The following TOP2B variants were observed in gnomAD, a reference collection of about 807,000 sequenced individuals.
The protein encoded by TOP2B is DNA topoisomerase II beta.
A neutral mutation model predicts 193.5 loss-of-function variants in TOP2B; 51 were observed. The ratio of observed to expected loss-of-function variants is 0.26; its 90% CI spans 0.21 to 0.33. The LOEUF (loss-of-function observed/expected upper bound fraction) is 0.33, where lower values mean the gene tolerates loss of function less well. Among genes scored for constraint, TOP2B ranks in the 10% least tolerant of loss-of-function variants. The pLI is 1.00. For missense variants in TOP2B, 1,378 were observed against 1,909.3 expected, an observed-to-expected ratio of 0.72 and a Z score of 5.19; for synonymous variants, 634 against 635.7, an observed-to-expected ratio of 1.00 and a Z score of 0.04.
At chr3:25,599,771 AT>A (rs1174357050) in intron 34 of TOP2B, among the ~76,000 whole-genome samples, 1 of 152,254 alleles carries the variant, frequency 6.6e-6, no homozygotes, top group Non-Finnish European at 1.5e-5. Context: ...ACAAATTTTA[AT>A]GATGAATCCC....
In TOP2B at chr3:25,612,734, G is replaced by T. The variant is rs372746931; in HGVS notation, c.3592-25C>A. On this transcript the variant is annotated intron_variant, in intron 27 of 35. Transcript: ENST00000264331. ...TCTAAAGTATAATCATAAGGCAGAA[G>T]GAACATAAACAACTTCTTAGAAAAG... 7 of 1,579,880 alleles carry T rather than the reference G, an allele frequency of 4.4e-6. No homozygotes were observed. The African/African-American group carries it at 5.4e-5, about 12-fold the overall frequency.
In TOP2B at chr3:25,630,114, A is replaced by G; in HGVS notation, c.1604T>C (p.Val535Ala). Reference protein sequence around the residue: ...NAEINNIIKIVGLQYKKSYDD... With the variant: ...NAEINNIIKIAGLQYKKSYDD... ...GTAACTTTTCTTATATTGTAGACCAACTATTTTAATAATATTATTTATTTC... is the reference window on the plus strand; with the variant it reads ...GTAACTTTTCTTATATTGTAGACCAGCTATTTTAATAATATTATTTATTTC... The change falls in exon 13 of 36, where the codon GTT (valine) becomes GCT (alanine). Residue 535 changes from valine (V) to alanine (A), a missense_variant. Physicochemically the swap from Val to Ala is moderately conservative, Grantham distance 64. Around this residue, in one of 9 missense-constraint regions of TOP2B, gnomAD observed 66 missense variants for 153.3 expected, o/e 0.43. Coordinates refer to ENST00000264331, the MANE Select transcript of TOP2B (RefSeq NM_001330700.2). The G allele has an allele frequency of 6.3e-7, 1 of 1,588,616 alleles. No individual in the cohort carries two copies. Among genetic ancestry groups the G allele is most frequent in the Non-Finnish European group, 8.6e-7 (1 of 1,165,774 alleles).
chr3:25,635,202 A>G (rs1384113746), intron 7 of TOP2B, among the ~76,000 whole-genome samples: 2 of 152,120 alleles, frequency 1.3e-5, no homozygotes, highest in East Asian at 3.9e-4. Context: ...CCTCAACACT[A>G]ATAACTACAG....
Position 25,664,868 on chromosome 3 carries a change from A to G in TOP2B, c.-571T>C. On this transcript the variant is annotated 5_prime_UTR_variant, in exon 1 of 36. Transcript: ENST00000264331. ...AAACAGAGCCGCCGCCGCCGCCGCC[A>G]CGGTCACCTCCCTCTTGTCCGGCAT... The G allele has an allele frequency of 1.0e-6, 1 of 991,026 alleles. No individual in the cohort carries two copies. 61.4% of individuals were successfully genotyped at this position (991,026 alleles called of 1,614,324 possible).
intron 7 of TOP2B, among the ~76,000 whole-genome samples, chr3:25,634,789 A>C (rs901635767): frequency 0.012 from 1,681 of 143,992 alleles, 36 homozygotes; most frequent in African/African-American, 0.04. Flanking sequence ...AAAAAAAAAA[A>C]AAAAAAAACC....
intron 19 of TOP2B, 65 bp downstream of exon 19, chr3:25,624,617 T>C (rs992051340): frequency 5.0e-6 from 8 of 1,585,366 alleles, no homozygotes; most frequent in Non-Finnish European, 6.9e-6. Flanking sequence ...AAAAATACTA[T>C]GTGTAATTAT....
intron 11 of TOP2B, 139 bp from the exon 12 acceptor site, chr3:25,630,608 T>C: frequency 8.3e-6 from 7 of 840,860 alleles, no homozygotes; most frequent in East Asian, 2.8e-5. Flanking sequence ...TCAGTATAAA[T>C]ATTAAGTATA....
rs576175644 is a variant in TOP2B, at chr3:25,652,758, A to G, written c.70-7288T>C. 6.6e-5 allele frequency among the ~76,000 whole-genome samples: 10 copies of G among 152,330 alleles called. No individual in the cohort carries two copies. The East Asian group carries it at 1.9e-3, about 29-fold the overall frequency. The stretch of plus-strand genomic sequence containing the variant: ...GACCCTTTCAAAGAACTAGGAAAAG[A>G]GAAACTAAACCAAATTAATGAAGGG... On this transcript the variant is annotated intron_variant, in intron 1 of 35. Coordinates refer to ENST00000264331, the MANE Select transcript of TOP2B (RefSeq NM_001330700.2).
chr3:25,602,591 C>G (rs1236034048), intron 33 of TOP2B, among the ~76,000 whole-genome samples: 1 of 151,856 alleles, frequency 6.6e-6, no homozygotes, highest in Non-Finnish European at 1.5e-5. Context: ...TAGCCAAGAG[C>G]AGGAGGAGCC....
At chr3:25,633,291 C>T (rs1015904078) in intron 8 of TOP2B, among the ~76,000 whole-genome samples, 1 of 152,056 alleles carries the variant, frequency 6.6e-6, no homozygotes, top group Non-Finnish European at 1.5e-5. Flanking sequence ...CACTTTACTT[C>T]ATTTACAAGT....
chr3:25,642,456 T>G, intron 3 of TOP2B, 71 bp from the exon 4 acceptor site: 1 of 868,666 alleles, frequency 1.2e-6, no homozygotes, highest in South Asian at 1.9e-5. Context: ...CAACTGTATG[T>G]GCATCACTGC....
intron 2 of TOP2B, among the ~76,000 whole-genome samples, chr3:25,644,101 CT>C (rs34502850): frequency 0.051 from 7,155 of 140,332 alleles, 463 homozygotes; most frequent in African/African-American, 0.16. Flanking sequence ...AAAATTAATG[CT>C]TTTTTTTTTT....
chr3:25,635,717 A>C (rs1703088942), intron 7 of TOP2B, among the ~76,000 whole-genome samples: 2 of 152,150 alleles, frequency 1.3e-5, no homozygotes, highest in African/African-American at 4.8e-5. Context: ...GACAGTATCA[A>C]ATAATGTAAC....
At position 25,624,362 on chromosome 3, in the gene TOP2B, C is replaced by A; in HGVS notation, c.2430G>T (p.Gln810His). 2 of 1,613,924 alleles carry A rather than the reference C, an allele frequency of 1.2e-6. No individual in the cohort carries two copies. The highest frequency in any genetic ancestry group is 1.7e-6 in the Non-Finnish European group (2 of 1,179,854). ...TGCCACCATGAAGCCGAGTTCCAAA[C>A]TGACCAATAGGCTGAAGCAAGTTAA... ...NNINLLQPIG[Q>H]FGTRLHGGKD... The change falls in exon 20 of 36, where the codon CAG becomes CAT. Residue 810 changes from glutamine (Q) to histidine (H), a missense_variant. Gln to His is a conservative substitution (Grantham distance 24). This residue lies in a region of TOP2B where 379 missense variants were observed against 615.1 expected (regional missense o/e 0.62). Transcript: ENST00000264331.
At chr3:25,627,118 G>A (rs1433156881) in intron 16 of TOP2B, 69 bp downstream of exon 16, 2 of 1,106,560 alleles carry the variant, frequency 1.8e-6, no homozygotes, top group African/African-American at 1.6e-5. Flanking sequence ...AGGGAACCAG[G>A]ACTGGGAGGA....
intron 1 of TOP2B, among the ~76,000 whole-genome samples, 190 bp downstream of exon 1, chr3:25,664,039 C>T (rs1181108069): frequency 6.6e-6 from 1 of 152,072 alleles, no homozygotes; most frequent in Non-Finnish European, 1.5e-5. Flanking sequence ...CTTCCAGAGA[C>T]GTACAGAGAA....
chr3:25,611,386 C>G (rs1702366041), intron 28 of TOP2B, among the ~76,000 whole-genome samples: 1 of 152,188 alleles, frequency 6.6e-6, no homozygotes, highest in African/African-American at 2.4e-5. Context: ...AAAGGCTACT[C>G]TGGTGTCAAA....
At chr3:25,618,551 T>A (rs1484339886) in intron 24 of TOP2B, 42 bp from the exon 25 acceptor site, 2 of 1,563,086 alleles carry the variant, frequency 1.3e-6, no homozygotes, top group Non-Finnish European at 1.7e-6. Flanking sequence ...GATAAGAGAT[T>A]CAATTTGTAT....
Position 25,609,655 on chromosome 3 carries a change from G to C in TOP2B, c.3844C>G (p.Pro1282Ala). Residue 1282 changes from proline to alanine, a missense_variant, in exon 29 of 36, where the codon CCA (proline) becomes GCA (alanine). By Grantham distance (27) the Pro-to-Ala change is conservative. Around this residue, in one of 9 missense-constraint regions of TOP2B, gnomAD observed 556 missense variants for 584.2 expected, o/e 0.95. Transcript: ENST00000264331. ...VEFDEEFSGA[P>A]VEGAGEEALT... Reference sequence around the variant, plus strand: ...GCCTCTTCTCCTGCACCTTCTACTGGTGCTCCACTGAATTCTTCATCAAAT... The same window carrying C: ...GCCTCTTCTCCTGCACCTTCTACTGCTGCTCCACTGAATTCTTCATCAAAT... 6.4e-7 allele frequency: 1 copy of C among 1,552,828 alleles called. No individual in the cohort carries two copies. Among genetic ancestry groups the C allele is most frequent in the Non-Finnish European group, 8.7e-7 (1 of 1,153,640 alleles).
Sources: allele counts gnomAD v4.1 joint callset (sites outside exome capture counted in the v4.1 genomes callset), GRCh38; gene constraint gnomAD v4.1.1; regional missense constraint gnomAD v4.1.1; transcripts MANE v1.5; gene names NCBI Gene and HGNC (gene_info 2026-07-23, HGNC 2026-07-21).